EXOSC9: variants seen among roughly 807,000 people sequenced by gnomAD.
EXOSC9 encodes the protein exosome component 9.
A neutral mutation model predicts 56.5 loss-of-function variants in EXOSC9; 38 were observed. The ratio of observed to expected loss-of-function variants is 0.67; its 90% CI spans 0.52 to 0.88. The LOEUF is 0.88. Ranked by LOEUF, EXOSC9 falls within the 40% of genes least tolerant of loss-of-function variation. The probability of loss-of-function intolerance (pLI) is 0.00; values close to 1 mark genes in which losing one functional copy is unlikely to be tolerated. For missense variants in EXOSC9, 559 were observed against 530.5 expected (o/e 1.05, Z -0.53); for synonymous variants, 170 against 170.8 (o/e 0.99, Z 0.04).
chr4:121,814,111 T>C (rs892441108), intron 10 of EXOSC9, 64 bp downstream of exon 10: 4 of 978,276 alleles, frequency 4.1e-6, no homozygotes, highest in African/African-American at 3.3e-5. Context: ...CGTATAGTTA[T>C]ATATATAATG....
At chr4:121,810,930 T>A (rs1311345515) in intron 7 of EXOSC9, among the ~76,000 whole-genome samples, 2 of 152,216 alleles carry the variant, frequency 1.3e-5, no homozygotes, top group Non-Finnish European at 2.9e-5. Context: ...TTACTTGCAC[T>A]TTTAGAACTA....
chr4:121,808,076 A>AT (rs1244833771), intron 6 of EXOSC9, among the ~76,000 whole-genome samples: 1 of 152,168 alleles, frequency 6.6e-6, no homozygotes, highest in Non-Finnish European at 1.5e-5. Context: ...AAAAAATCTA[A>AT]TGTTCTTAAG....
rs1382672345 is a variant in EXOSC9, at chr4:121,813,959, AGAT to A, written c.1074_1076del (p.Asp358del). The A allele has an allele frequency of 5.0e-6, 8 of 1,613,762 alleles. No homozygotes were observed. In the Admixed American group the frequency reaches 6.7e-5, roughly 13 times the overall value. ...GTGATCTTGAAGACTCTGAGAAGGA[AGAT>A]GATGAAGGCGGTGGTGATCAAGCTA... On this transcript the variant is annotated inframe_deletion, in exon 10 of 12. Coordinates refer to ENST00000243498, the MANE Select transcript of EXOSC9 (RefSeq NM_005033.3).
At chr4:121,803,509 T>A (rs1167369237) in intron 4 of EXOSC9, among the ~76,000 whole-genome samples, 2 of 152,138 alleles carry the variant, frequency 1.3e-5, no homozygotes, top group African/African-American at 4.8e-5. Context: ...TAAATTGTGC[T>A]GCATTAGGAT....
intron 10 of EXOSC9, chr4:121,814,795 C>T (rs1724426238): frequency 6.6e-6 from 1 of 152,080 alleles, no homozygotes; most frequent in African/African-American, 2.4e-5. Flanking sequence ...ACTGGTAGTC[C>T]TAGACGTTTC....
chr4:121,813,096 A>G (rs1326439078), intron 8 of EXOSC9, 138 bp from the exon 9 acceptor site: 12 of 753,736 alleles, frequency 1.6e-5, no homozygotes, highest in Non-Finnish European at 2.5e-5. Flanking sequence ...TGGTGAGGTT[A>G]AGTTAGATAA....
Position 121,814,036 on chromosome 4 carries a change from T to C in EXOSC9, c.1145T>C (p.Ile382Thr), listed in dbSNP as rs751970914. 5.6e-6 allele frequency: 9 copies of C among 1,609,912 alleles called. No homozygotes were observed. Among genetic ancestry groups the C allele is most frequent in the African/African-American group, 5.4e-5 (4 of 73,570 alleles). The change falls in exon 10 of 12, where the codon ATT (isoleucine) becomes ACT (threonine). Residue 382 changes from isoleucine (I) to threonine (T), a missense_variant. Physicochemically the swap from Ile to Thr is moderately conservative, Grantham distance 89. Coordinates refer to ENST00000243498, the MANE Select transcript of EXOSC9 (RefSeq NM_005033.3). ...GACACTGGAGTAGAAGTCTCTGATA[T>C]TGGAAGCCAAGGTAGGTGACACTTT... ...KMDTGVEVSD[I>T]GSQDAPIILS...
At position 121,816,972 on chromosome 4, in the gene EXOSC9, A is replaced by C. The variant is rs1724541592; in HGVS notation, c.*116A>C. 9.0e-7 allele frequency: 1 copy of C among 1,110,910 alleles called. No homozygotes were observed. Among genetic ancestry groups the C allele is most frequent in the Non-Finnish European group, 1.2e-6 (1 of 819,278 alleles). 68.8% of individuals were successfully genotyped at this position (1,110,910 alleles called of 1,614,324 possible). A position where few individuals can be genotyped will look rare whatever the true frequency, so the allele number is the denominator to read the frequency against. The stretch of plus-strand genomic sequence containing the variant: ...TTATAAAATCTAGCAGGATTTTAAA[A>C]ATAGTTTTTTGTTTTTAATGTGCTT... On this transcript the variant is annotated 3_prime_UTR_variant, in exon 12 of 12. Coordinates refer to ENST00000243498, the MANE Select transcript of EXOSC9 (RefSeq NM_005033.3).
chr4:121,801,527 G>A (rs1266739051), intron 1 of EXOSC9, 37 bp downstream of exon 1: 5 of 1,601,292 alleles, frequency 3.1e-6, no homozygotes, highest in Non-Finnish European at 4.3e-6. Context: ...GCGCTGCGTG[G>A]GCGCTCGGGT....
intron 7 of EXOSC9, among the ~76,000 whole-genome samples, chr4:121,811,028 G>A (rs1041676660): frequency 1.3e-5 from 2 of 152,136 alleles, no homozygotes; most frequent in Admixed American, 1.3e-4. Context: ...ATACAGTGTA[G>A]ATGATTAAAA....
At position 121,804,619 on chromosome 4, in the gene EXOSC9, C is replaced by G; in HGVS notation, c.385-3C>G. 3 of 1,547,056 alleles carry G rather than the reference C, an allele frequency of 1.9e-6. No individual in the cohort carries two copies. Among genetic ancestry groups the G allele is most frequent in the Non-Finnish European group, 2.7e-6 (3 of 1,127,928 alleles). ...TTTATTTTTATTTTAAATTCACTAT[C>G]AGGTTTGGCAAATACGTGTAGACCT... On this transcript the variant is annotated splice_region_variant and splice_polypyrimidine_tract_variant and intron_variant, in intron 4 of 11. Coordinates refer to ENST00000243498, the MANE Select transcript of EXOSC9 (RefSeq NM_005033.3).
Position 121,804,666 on chromosome 4 carries a change from A to G in EXOSC9, c.429A>G (p.Gly143=). The G allele has an allele frequency of 6.2e-7, 1 of 1,606,860 alleles. No individual in the cohort carries two copies. ...ACCTACATTTATTAAATCATGATGG[A>G]AATATTATTGATGCTGCCAGCATTG... is the stretch of plus-strand genomic sequence containing the variant. ...RVDLHLLNHD[G]NIIDAASIAA... The change falls in exon 5 of 12, where the codon GGA becomes GGG. Residue 143 remains glycine (G), a synonymous_variant. Coordinates refer to ENST00000243498, the MANE Select transcript of EXOSC9 (RefSeq NM_005033.3).
intron 4 of EXOSC9, among the ~76,000 whole-genome samples, 160 bp downstream of exon 4, chr4:121,803,177 CCT>C (rs1726920453): frequency 6.6e-6 from 1 of 151,754 alleles, no homozygotes; most frequent in African/African-American, 2.4e-5. Context: ...CTTTGTGCTA[CCT>C]CTCTCTCTCT....
chr4:121,816,598 C>A, intron 11 of EXOSC9, 151 bp downstream of exon 11: 1 of 816,924 alleles, frequency 1.2e-6, no homozygotes, highest in South Asian at 2.3e-5. Flanking sequence ...GATTTTTTTA[C>A]CTTGTGATTT....
intron 7 of EXOSC9, 44 bp downstream of exon 7, chr4:121,810,143 C>G: frequency 1.3e-6 from 2 of 1,550,692 alleles, no homozygotes; most frequent in African/African-American, 1.4e-5. Flanking sequence ...GGTTGCTTCT[C>G]TTTAGATGCT....
At position 121,807,623 on chromosome 4, in the gene EXOSC9, GTA is replaced by G; in HGVS notation, c.605+2_605+3del. The G allele has an allele frequency of 6.2e-7, 1 of 1,603,114 alleles. No individual in the cohort carries two copies. Among genetic ancestry groups the G allele is most frequent in the Non-Finnish European group, 8.5e-7 (1 of 1,170,038 alleles). On this transcript the variant is annotated splice_donor_variant and splice_donor_region_variant and intron_variant, in intron 6 of 11. Transcript: ENST00000243498. LOFTEE classifies it high-confidence loss of function. ...TCAGTTTTGCCTTTTTCCAGCAAGG[GTA>G]AGCCTCGCCTTATTATGGGCCAAAA...
intron 6 of EXOSC9, chr4:121,807,878 A>C: frequency 5.7e-6 from 3 of 522,678 alleles, no homozygotes; most frequent in African/African-American, 3.8e-5. Context: ...GGAATTTACT[A>C]TGGCATGGTA....
At chr4:121,813,122 A>G (rs575581581) in intron 8 of EXOSC9, 112 bp from the exon 9 acceptor site, 33 of 999,264 alleles carry the variant, frequency 3.3e-5, no homozygotes, top group African/African-American at 1.8e-4. Flanking sequence ...CTCTCTTCCA[A>G]TATTTTTCAT....
intron 2 of EXOSC9, 96 bp downstream of exon 2, chr4:121,802,017 A>T: frequency 1.1e-6 from 1 of 873,856 alleles, no homozygotes; most frequent in East Asian, 2.5e-5. Flanking sequence ...AGAAGTCTGG[A>T]CAGTATTCTT....
Sources: allele counts gnomAD v4.1 joint callset (sites outside exome capture counted in the v4.1 genomes callset), GRCh38; gene constraint gnomAD v4.1.1; transcripts MANE v1.5; gene names NCBI Gene and HGNC (gene_info 2026-07-23, HGNC 2026-07-21).